The following CNDP1 variants were observed in gnomAD, a reference collection of about 807,000 sequenced individuals.
CNDP1 encodes carnosine dipeptidase 1, also known as beta-Ala-His dipeptidase.
Under a neutral mutation model 58.1 loss-of-function variants are expected in CNDP1, and 44 were observed. The observed-to-expected ratio is 0.76, with a 90% confidence interval of 0.60 to 0.97. The LOEUF (loss-of-function observed/expected upper bound fraction) is 0.97, where lower values mean the gene tolerates loss of function less well. Ranked by LOEUF, CNDP1 falls within the 50% of genes least tolerant of loss-of-function variation. The pLI, the probability that CNDP1 is intolerant of heterozygous loss-of-function variation, is 0.00. For synonymous variants in CNDP1, 254 were observed against 252.6 expected, an observed-to-expected ratio of 1.01 and a Z score of -0.05; for missense variants, 616 against 655.1, an observed-to-expected ratio of 0.94 and a Z score of 0.65.
chr18:74,573,448 C>CTATCTATT, intron 7 of CNDP1, among the ~76,000 whole-genome samples: 1 of 107,992 alleles, frequency 9.3e-6, no homozygotes, highest in African/African-American at 3.7e-5. Flanking sequence ...ATCTATGTAT[C>CTATCTATT]TATGTATCTA....
chr18:74,584,227 AC>A (rs1981858646), intron 11 of CNDP1: 1 of 457,660 alleles, frequency 2.2e-6, no homozygotes, highest in Middle Eastern at 6.2e-4. Context: ...AAATTGTTTG[AC>A]CCTGATATCC....
At chr18:74,573,431 A>ATCCATTCATCCATCCAT (rs565156580) in intron 7 of CNDP1, among the ~76,000 whole-genome samples, 186 of 141,674 alleles carry the variant, frequency 1.3e-3, no homozygotes, top group African/African-American at 4.8e-3. Context: ...CATCCATCCA[A>ATCCATTCATCCATCCAT]CTATCTATCT....
rs923957847 is a variant in CNDP1 at position 74,573,897 on chromosome 18, A to C, written c.841+2627A>C. The stretch of plus-strand genomic sequence containing the variant: ...CTTTCTTTAGTTCTTGATACAAATC[A>C]AATAATCCACAGCACAGTAATTTCT... On this transcript the variant is annotated intron_variant, in intron 7 of 11. Transcript: ENST00000358821. Among the ~76,000 whole-genome samples the C allele has an allele frequency of 6.8e-5, 6 of 88,206 alleles. No individual in the cohort carries two copies. In the East Asian group the frequency reaches 1.5e-3, roughly 22 times the overall value. The allele number at this position is 88,206 out of a possible 152,430, so 57.9% of individuals were successfully genotyped here.
intron 1 of CNDP1, among the ~76,000 whole-genome samples, chr18:74,538,323 A>G (rs778606306): frequency 6.6e-6 from 1 of 152,216 alleles, no homozygotes; most frequent in African/African-American, 2.4e-5. Flanking sequence ...CACTTAATGT[A>G]ATGTTTTCAA....
At chr18:74,577,218 A>G (rs567819510) in intron 8 of CNDP1, 189 bp downstream of exon 8, 29 of 461,574 alleles carry the variant, frequency 6.3e-5, no homozygotes, top group African/African-American at 3.6e-4. Context: ...TCCTTTTTCA[A>G]TGGCGTCTAA....
intron 1 of CNDP1, among the ~76,000 whole-genome samples, chr18:74,547,148 T>TTTAAATG (rs1416765584): frequency 1.3e-5 from 2 of 152,240 alleles, no homozygotes; most frequent in Non-Finnish European, 2.9e-5. Context: ...ATTTTTGTTG[T>TTTAAATG]TTGTTTAAAA....
rs546453413 is a variant in CNDP1, at chr18:74,562,264, G to C, written c.555+129G>C. Reference sequence around the variant, plus strand: ...TCGCCCCAACAATCTTTGGAGGTGTGTGCGACAATGGTATCCATTTTGCAG... The same window carrying C: ...TCGCCCCAACAATCTTTGGAGGTGTCTGCGACAATGGTATCCATTTTGCAG... On this transcript the variant is annotated intron_variant, in intron 5 of 11. Transcript: ENST00000358821. 108 of 768,102 alleles carry C rather than the reference G, an allele frequency of 1.4e-4. No individual in the cohort carries two copies. In the African/African-American group the frequency reaches 1.5e-3, roughly 11 times the overall value. 47.6% of individuals were successfully genotyped at this position (768,102 alleles called of 1,614,324 possible). A position where few individuals can be genotyped will look rare whatever the true frequency, so the allele number is the denominator to read the frequency against.
intron 5 of CNDP1, among the ~76,000 whole-genome samples, chr18:74,563,500 A>T (rs1284636977): frequency 6.6e-6 from 1 of 152,218 alleles, no homozygotes; most frequent in Non-Finnish European, 1.5e-5. Context: ...AATCACAAAG[A>T]AAACAGAAGA....
At chr18:74,546,902 C>T (rs1024140816) in intron 1 of CNDP1, among the ~76,000 whole-genome samples, 2 of 152,316 alleles carry the variant, frequency 1.3e-5, no homozygotes, top group African/African-American at 2.4e-5. Flanking sequence ...TTGTTCTTCT[C>T]CAGGGTCAAG....
rs556770685 is a variant in CNDP1, at chr18:74,573,106, A to G, written c.841+1836A>G. Among the ~76,000 whole-genome samples the G allele has an allele frequency of 4.6e-5, 7 of 152,110 alleles. 1 individual carries two copies. The South Asian group carries it at 1.2e-3, about 27-fold the overall frequency. ...CTATCCATCTATTATCTATCCATCT[A>G]TCTTTCTATTCATCCATCCAACTAT... On this transcript the variant is annotated intron_variant, in intron 7 of 11. Transcript: ENST00000358821.
Position 74,562,061 on chromosome 18 carries a change from C to G in CNDP1, c.481C>G (p.Arg161Gly), listed in dbSNP as rs374853002. The change falls in exon 5 of 12, where the codon CGA becomes GGA. Residue 161 changes from arginine (R) to glycine (G), a missense_variant. Transcript: ENST00000358821. The stretch of plus-strand genomic sequence containing the variant: ...CCTTTTTAAAGGGAAACTTTATGGA[C>G]GAGGAGCGACCGACAACAAAGGCCC... ...LTEVDGKLYG[R>G]GATDNKGPVL... 6.2e-7 allele frequency: 1 copy of G among 1,613,970 alleles called. No individual in the cohort carries two copies. Among genetic ancestry groups the G allele is most frequent in the East Asian group, 2.2e-5 (1 of 44,874 alleles).
chr18:74,552,102 G>A (rs17817345), intron 1 of CNDP1, among the ~76,000 whole-genome samples: 29,214 of 152,178 alleles, frequency 0.19, 3,445 homozygotes, highest in Non-Finnish European at 0.26. Context: ...AGCCTTCTGA[G>A]TGCAGGGTAG....
chr18:74,538,229 T>C (rs1411981708), intron 1 of CNDP1, among the ~76,000 whole-genome samples: 1 of 152,200 alleles, frequency 6.6e-6, no homozygotes, highest in East Asian at 1.9e-4. Context: ...ACTACTAACC[T>C]GTTTTCTGTC....
At chr18:74,557,238 T>C (rs995584484) in intron 2 of CNDP1, among the ~76,000 whole-genome samples, 1 of 151,842 alleles carries the variant, frequency 6.6e-6, no homozygotes, top group Non-Finnish European at 1.5e-5. Context: ...CTGTTATTTT[T>C]TGAGACAGGG....
intron 1 of CNDP1, 23 bp from the exon 2 acceptor site, chr18:74,556,315 C>A: frequency 6.2e-7 from 1 of 1,603,550 alleles, no homozygotes; most frequent in African/African-American, 1.3e-5. Flanking sequence ...TTCATTCGTT[C>A]CTCCCATGTC....
Position 74,576,938 on chromosome 18 carries a change from A to C in CNDP1, c.911A>C (p.Glu304Ala). 1.2e-6 allele frequency: 2 copies of C among 1,613,626 alleles called. No homozygotes were observed. Among genetic ancestry groups the C allele is most frequent in the Non-Finnish European group, 1.7e-6 (2 of 1,179,782 alleles). ...TATGATGAAGTGGTTCCTCTTACAG[A>C]AGAGGAAATAAATACATACAAAGCC... The part of the protein sequence containing the change: ...GIYDEVVPLT[E>A]EEINTYKAIH... The change falls in exon 8 of 12, where the codon GAA (glutamate) becomes GCA (alanine). Residue 304 changes from glutamate (E) to alanine (A), a missense_variant. Glu to Ala is a moderately radical substitution (Grantham distance 107, BLOSUM62 -1). Coordinates refer to ENST00000358821, the MANE Select transcript of CNDP1 (RefSeq NM_032649.6).
intron 8 of CNDP1, 50 bp downstream of exon 8, chr18:74,577,079 A>ACTAGCC: frequency 6.7e-7 from 1 of 1,498,684 alleles, no homozygotes; most frequent in Non-Finnish European, 9.1e-7. Flanking sequence ...AGGCTAGTAT[A>ACTAGCC]TCATATTTGC....
intron 1 of CNDP1, among the ~76,000 whole-genome samples, chr18:74,544,852 G>A (rs546508616): frequency 1.3e-5 from 2 of 152,020 alleles, no homozygotes; most frequent in African/African-American, 4.8e-5. Context: ...TTTGGAAACA[G>A]GGTTTTTACA....
rs575689881 is a variant in CNDP1 at position 74,577,961 on chromosome 18, T to C, written c.1003-202T>C. Reference sequence around the variant, plus strand: ...GGCACTCATCAATGGGGAGCATTGGTAGTGATGGGTAGTGAAGGCATCTGA... The same window carrying C: ...GGCACTCATCAATGGGGAGCATTGGCAGTGATGGGTAGTGAAGGCATCTGA... On this transcript the variant is annotated intron_variant, in intron 8 of 11. Transcript: ENST00000358821. The C allele has an allele frequency of 6.0e-6, 3 of 498,480 alleles. No homozygotes were observed. In the East Asian group the frequency reaches 9.4e-5, roughly 16 times the overall value. 30.9% of individuals were successfully genotyped at this position (498,480 alleles called of 1,614,324 possible). A position where few individuals can be genotyped will look rare whatever the true frequency, so the allele number is the denominator to read the frequency against.
Sources: gnomAD v4.1 joint callset for allele counts (sites outside exome capture counted in the v4.1 genomes callset) on GRCh38, gnomAD v4.1.1 for gene constraint, MANE v1.5 for transcripts, NCBI Gene and HGNC (gene_info 2026-07-23, HGNC 2026-07-21) for gene names.